Variants in SASH1 observed in about 807,000 individuals in gnomAD.
The protein encoded by SASH1 is SAM and SH3 domain containing 1.
Under a neutral mutation model 125.2 loss-of-function variants are expected in SASH1, and 44 were observed. That is an observed-to-expected ratio of 0.35 (90% CI 0.28 to 0.45). The LOEUF (loss-of-function observed/expected upper bound fraction) is 0.45. Ranked by LOEUF, SASH1 falls within the 20% of genes least tolerant of loss-of-function variation. The pLI is 1.00. For synonymous variants in SASH1, 639 were observed against 649.1 expected, an observed-to-expected ratio of 0.98 and a Z score of 0.24; for missense variants, 1,426 against 1,614.5, an observed-to-expected ratio of 0.88 and a Z score of 2.00.
chr6:148,298,712 A>AG (rs369219222), intron 1 of SASH1, among the ~76,000 whole-genome samples: 3,236 of 58,180 alleles, frequency 0.056, 88 homozygotes, highest in Middle Eastern at 0.087. Context: ...GAAGGAAGGA[A>AG]GAAGGAAGGG....
At chr6:148,447,079 G>C (rs1776829291) in intron 4 of SASH1, among the ~76,000 whole-genome samples, 1 of 152,208 alleles carries the variant, frequency 6.6e-6, no homozygotes, top group Admixed American at 6.5e-5. Context: ...CTAGGTCCCA[G>C]TTATTTATCT....
chr6:148,235,736 G>T, the SASH1 span, among the ~76,000 whole-genome samples: 2 of 152,220 alleles, frequency 1.3e-5, no homozygotes, highest in East Asian at 3.9e-4. Context: ...GCAAAGAGTT[G>T]GAGAAGTCTT....
intron 2 of SASH1, among the ~76,000 whole-genome samples, chr6:148,409,706 T>C (rs1444612766): frequency 6.6e-6 from 1 of 152,128 alleles, no homozygotes; most frequent in Non-Finnish European, 1.5e-5. Context: ...GAGGCCTAGG[T>C]GGGCGGATCA....
intron 9 of SASH1, among the ~76,000 whole-genome samples, chr6:148,518,245 C>T (rs1173700134): frequency 6.6e-6 from 1 of 152,082 alleles, no homozygotes; most frequent in Non-Finnish European, 1.5e-5. Context: ...CTGAAAGATC[C>T]CTGAACAACT....
chr6:148,390,486 T>C (rs1783657209), intron 2 of SASH1, among the ~76,000 whole-genome samples: 1 of 152,182 alleles, frequency 6.6e-6, no homozygotes, highest in South Asian at 2.1e-4. Context: ...ACCTTTGCAC[T>C]CATTAAAAGA....
intron 1 of SASH1, among the ~76,000 whole-genome samples, chr6:148,327,360 C>T (rs1780858506): frequency 6.6e-6 from 1 of 151,254 alleles, no homozygotes; most frequent in African/African-American, 2.4e-5. Flanking sequence ...TCTCGGCTCA[C>T]TGCAACCTCC....
At chr6:148,237,799 C>A in the SASH1 span, among the ~76,000 whole-genome samples, 3 of 152,190 alleles carry the variant, frequency 2.0e-5, no homozygotes, top group Non-Finnish European at 4.4e-5. Context: ...AGCTAGCTTT[C>A]CAGCAGAGCT....
intron 4 of SASH1, among the ~76,000 whole-genome samples, chr6:148,468,000 C>T (rs547793997): frequency 2.0e-5 from 3 of 152,296 alleles, no homozygotes; most frequent in South Asian, 2.1e-4. Context: ...ATGGACATTG[C>T]ACTTGCCAAT....
Position 148,532,870 on chromosome 6 carries a change from C to A in SASH1, c.1638C>A (p.Asp546Glu), listed in dbSNP as rs780172053. ...RESVKSEDGD[D>E]EEPPYRGPFC... is the part of the protein sequence containing the mutation. ...GCGTCAAGTCGGAAGATGGGGATGA[C>A]GAAGAGCCGCCTTACCGAGGCCCGT... The change falls in exon 14 of 20, where the codon GAC (aspartate) becomes GAA (glutamate). Residue 546 changes from aspartate (D) to glutamate (E), a missense_variant. Asp to Glu is a conservative substitution (Grantham distance 45). Around this residue, in one of 3 missense-constraint regions of SASH1, gnomAD observed 225 missense variants for 344.5 expected, o/e 0.65. Coordinates refer to ENST00000367467, the MANE Select transcript of SASH1 (RefSeq NM_015278.5). This position sits in a 1 kb window ranked among gnomAD's most constrained non-coding sequence, Gnocchi z 4.7. 6.2e-7 allele frequency: 1 copy of A among 1,614,208 alleles called. No individual in the cohort carries two copies. Among genetic ancestry groups the A allele is most frequent in the African/African-American group, 1.3e-5 (1 of 75,066 alleles).
intron 19 of SASH1, among the ~76,000 whole-genome samples, chr6:148,546,592 G>A (rs945349096): frequency 6.6e-6 from 1 of 152,206 alleles, no homozygotes. Context: ...GGTGACTACA[G>A]TTAATAACAA....
At chr6:148,291,645 C>A (rs938240842) in intron 1 of SASH1, among the ~76,000 whole-genome samples, 1 of 152,110 alleles carries the variant, frequency 6.6e-6, no homozygotes, top group African/African-American at 2.4e-5. Flanking sequence ...GATCACACCG[C>A]TGCACTCTAG....
Position 148,379,893 on chromosome 6 carries a change from A to G in SASH1, c.157-10241A>G, listed in dbSNP as rs1028721479. The G allele has an allele frequency of 2.4e-5, 11 of 456,346 alleles. No homozygotes were observed. The Middle Eastern group carries it at 1.9e-3, about 81-fold the overall frequency. 28.3% of individuals were successfully genotyped at this position (456,346 alleles called of 1,614,324 possible). On this transcript the variant is annotated intron_variant, in intron 1 of 19. Transcript: ENST00000367467. ...CATCACCGCTGATCTTGTTCCATCT[A>G]TATCTGCACTCACCACCCCTCCCAG...
At chr6:148,387,576 CTTTCTTTCTTTCTTTCTTTCT>C (rs1562370877) in intron 1 of SASH1, among the ~76,000 whole-genome samples, 16 of 5,408 alleles carry the variant, frequency 3.0e-3, no homozygotes, top group Non-Finnish European at 1.6e-3. Context: ...CTCTTTCTTT[CTTTCTTTCTTTCTTTCTTTCT>C]TTCTTTCTTT....
chr6:148,465,114 C>T (rs992580520), intron 4 of SASH1, among the ~76,000 whole-genome samples: 2 of 152,040 alleles, frequency 1.3e-5, no homozygotes, highest in Non-Finnish European at 1.5e-5. Flanking sequence ...GCAGTGGGAG[C>T]GTACATTTTT....
chr6:148,453,677 TC>T (rs1777208000), intron 4 of SASH1, among the ~76,000 whole-genome samples: 1 of 152,136 alleles, frequency 6.6e-6, no homozygotes. Flanking sequence ...TAAGCATTTA[TC>T]CAGCAGTAAG....
intron 7 of SASH1, among the ~76,000 whole-genome samples, chr6:148,485,867 AGTT>A (rs1778816610): frequency 6.6e-6 from 1 of 152,150 alleles, no homozygotes; most frequent in South Asian, 2.1e-4. Flanking sequence ...TCTGTTTTTA[AGTT>A]GCTTGGCACA....
At chr6:148,424,922 T>C (rs1322932653) in intron 2 of SASH1, among the ~76,000 whole-genome samples, 1 of 152,166 alleles carries the variant, frequency 6.6e-6, no homozygotes, top group Non-Finnish European at 1.5e-5. Flanking sequence ...CCCAGCAATC[T>C]GTGTTTAAGA....
chr6:148,260,173 A>G, the SASH1 span, among the ~76,000 whole-genome samples: 1 of 152,252 alleles, frequency 6.6e-6, no homozygotes, highest in East Asian at 1.9e-4. Context: ...TTTGAAATAT[A>G]TAATCTTTTG....
the SASH1 span, among the ~76,000 whole-genome samples, chr6:148,204,995 G>A: frequency 6.6e-6 from 1 of 152,100 alleles, no homozygotes; most frequent in Admixed American, 6.6e-5. Flanking sequence ...TCAGGAGATT[G>A]GGGTATTATC....
Sources: allele counts gnomAD v4.1 joint callset (sites outside exome capture counted in the v4.1 genomes callset), GRCh38; gene constraint gnomAD v4.1.1; regional missense constraint gnomAD v4.1.1; non-coding constraint Gnocchi (gnomAD v3.1); transcripts MANE v1.5; gene names NCBI Gene and HGNC (gene_info 2026-07-23, HGNC 2026-07-21).